The following RANBP17 variants were observed in gnomAD, a reference collection of about 807,000 sequenced individuals.
The protein encoded by RANBP17 is ran-binding protein 17.
In RANBP17, 158 loss-of-function variants were observed where a neutral mutation model predicts 141.2. The observed-to-expected ratio is 1.12, with a 90% CI of 0.98 to 1.28. RANBP17 has a LOEUF of 1.28. RANBP17 is among the 50% of genes most tolerant of loss of function. The pLI, the probability that RANBP17 is intolerant of heterozygous loss-of-function variation, is 0.00. For missense variants in RANBP17, 1,438 were observed against 1,290.7 expected (o/e 1.11, Z -1.75); for synonymous variants, 430 against 450.0 (o/e 0.96, Z 0.56).
chr5:171,229,647 G>A (rs1316439011), intron 22 of RANBP17, among the ~76,000 whole-genome samples: 2 of 151,002 alleles, frequency 1.3e-5, no homozygotes, highest in South Asian at 2.1e-4. Flanking sequence ...TGCCCACCTC[G>A]GCCTCCCAAA....
intron 14 of RANBP17, among the ~76,000 whole-genome samples, chr5:171,113,845 A>C (rs113131956): frequency 0.01 from 1,550 of 152,154 alleles, 29 homozygotes; most frequent in African/African-American, 0.036. Context: ...TACCTTTTTC[A>C]CTCTCATGAA....
chr5:170,893,991 A>C (rs1769885403), intron 4 of RANBP17, among the ~76,000 whole-genome samples: 1 of 152,148 alleles, frequency 6.6e-6, no homozygotes, highest in South Asian at 2.1e-4. Flanking sequence ...CAGTGCTGGA[A>C]ACCTCAGAAT....
rs1417157350 is a variant in RANBP17, at chr5:170,904,208, TATTC to T, written c.490-5449_490-5446del. 1.1e-5 allele frequency: 3 copies of T among 282,078 alleles called. No individual in the cohort carries two copies. In the East Asian group the frequency reaches 2.6e-4, roughly 24 times the overall value. 17.5% of individuals were successfully genotyped at this position (282,078 alleles called of 1,614,324 possible). A position where few individuals can be genotyped will look rare whatever the true frequency, so the allele number is the denominator to read the frequency against. On this transcript the variant is annotated intron_variant, in intron 5 of 27. Transcript: ENST00000523189. ...GCCTGTCCCTCCTGTGGACCATTTT[TATTC>T]ATTATTAGCTTTAGCAAATAACACA...
intron 14 of RANBP17, among the ~76,000 whole-genome samples, chr5:171,105,076 A>G (rs1283313475): frequency 6.6e-6 from 1 of 152,004 alleles, no homozygotes; most frequent in Non-Finnish European, 1.5e-5. Context: ...GGATAAAACA[A>G]TTTTCTTTAT....
intron 14 of RANBP17, among the ~76,000 whole-genome samples, chr5:171,058,871 G>T (rs1475031390): frequency 1.3e-5 from 2 of 149,592 alleles, no homozygotes; most frequent in Non-Finnish European, 3.0e-5. Context: ...GTGTGAGATG[G>T]TATCTCATTG....
At chr5:171,290,917 A>C (rs1288690815) in intron 25 of RANBP17, among the ~76,000 whole-genome samples, 4 of 152,236 alleles carry the variant, frequency 2.6e-5, no homozygotes, top group Non-Finnish European at 5.9e-5. Flanking sequence ...TATATATCAG[A>C]GAAGTTATTC....
At chr5:171,039,245 G>T (rs1236856310) in intron 14 of RANBP17, among the ~76,000 whole-genome samples, 65 of 125,382 alleles carry the variant, frequency 5.2e-4, no homozygotes, top group Middle Eastern at 8.6e-3. Context: ...TCTGTTGTTG[G>T]TTTTTTTTTT....
chr5:171,008,354 G>C (rs1779799085), intron 14 of RANBP17, among the ~76,000 whole-genome samples: 1 of 152,198 alleles, frequency 6.6e-6, no homozygotes, highest in South Asian at 2.1e-4. Flanking sequence ...CGGAGTGAGG[G>C]TGAGGACAGG....
intron 20 of RANBP17, 43 bp downstream of exon 20, chr5:171,205,655 G>GCT: frequency 6.8e-7 from 1 of 1,481,380 alleles, no homozygotes; most frequent in Non-Finnish European, 9.4e-7. Context: ...TGTGCACAGA[G>GCT]GGATGCCAGG....
chr5:171,028,447 C>T (rs554267098), intron 14 of RANBP17, among the ~76,000 whole-genome samples: 6 of 152,176 alleles, frequency 3.9e-5, no homozygotes, highest in African/African-American at 1.2e-4. Flanking sequence ...GATATATATT[C>T]TTATAAATCA....
At chr5:171,079,348 G>A (rs1241025938) in intron 14 of RANBP17, among the ~76,000 whole-genome samples, 5 of 152,204 alleles carry the variant, frequency 3.3e-5, no homozygotes, top group African/African-American at 9.7e-5. Flanking sequence ...TGAAGATGCC[G>A]TGAACGTTGT....
intron 14 of RANBP17, among the ~76,000 whole-genome samples, chr5:171,050,308 TCTA>T (rs558193321): frequency 6.6e-6 from 1 of 152,208 alleles, no homozygotes; most frequent in Non-Finnish European, 1.5e-5. Context: ...CTTTTCACAA[TCTA>T]CTTAGAATTA....
chr5:171,072,017 A>G (rs74899456), intron 14 of RANBP17, among the ~76,000 whole-genome samples: 4,030 of 152,222 alleles, frequency 0.026, 159 homozygotes, highest in African/African-American at 0.091. Context: ...TCCAAAATAT[A>G]CAAAGGACTC....
At chr5:171,053,788 T>C (rs1783127828) in intron 14 of RANBP17, among the ~76,000 whole-genome samples, 1 of 150,436 alleles carries the variant, frequency 6.6e-6, no homozygotes, top group East Asian at 2.0e-4. Context: ...GGTCATCCTC[T>C]TGTTACTCAT....
At chr5:171,178,031 T>G (rs1035326614) in intron 16 of RANBP17, among the ~76,000 whole-genome samples, 3 of 152,004 alleles carry the variant, frequency 2.0e-5, no homozygotes, top group Non-Finnish European at 2.9e-5. Context: ...TTTTTTTTTT[T>G]TTGTTATACT....
chr5:171,180,351 C>CT (rs1760792377), intron 16 of RANBP17, among the ~76,000 whole-genome samples: 1 of 152,172 alleles, frequency 6.6e-6, no homozygotes, highest in Admixed American at 6.5e-5. Flanking sequence ...AATCGTGACT[C>CT]TTCTGTTGAC....
intron 12 of RANBP17, among the ~76,000 whole-genome samples, chr5:170,942,318 T>G (rs1774393317): frequency 6.6e-6 from 1 of 152,018 alleles, no homozygotes. Context: ...ACAATAATAT[T>G]CATAGCATTA....
chr5:171,005,316 A>C (rs1779518548), intron 14 of RANBP17, among the ~76,000 whole-genome samples: 1 of 152,200 alleles, frequency 6.6e-6, no homozygotes, highest in Non-Finnish European at 1.5e-5. Context: ...ACAAAGCTGG[A>C]GGCATCATGG....
At chr5:171,064,132 C>T (rs552439184) in intron 14 of RANBP17, among the ~76,000 whole-genome samples, 3 of 152,366 alleles carry the variant, frequency 2.0e-5, no homozygotes, top group East Asian at 3.9e-4. Context: ...GGCAATGCCT[C>T]GCCCTGCTTC....
Sources: allele counts gnomAD v4.1 joint callset (sites outside exome capture counted in the v4.1 genomes callset), GRCh38; gene constraint gnomAD v4.1.1; transcripts MANE v1.5; gene names NCBI Gene and HGNC (gene_info 2026-07-23, HGNC 2026-07-21).